Variants in HNF4A observed in about 807,000 individuals in gnomAD.
The protein encoded by HNF4A is hepatocyte nuclear factor 4 alpha.
HNF4A carries 15 observed loss-of-function variants against 52.4 expected under a neutral mutation model. The ratio of observed to expected loss-of-function variants is 0.29; its 90% CI spans 0.19 to 0.44. The LOEUF (loss-of-function observed/expected upper bound fraction) is 0.44, where lower values mean the gene tolerates loss of function less well. Among genes scored for constraint, HNF4A ranks in the 20% least tolerant of loss-of-function variants. The pLI is 1.00. For synonymous variants in HNF4A, 280 were observed against 264.4 expected, an observed-to-expected ratio of 1.06 and a Z score of -0.57; for missense variants, 479 against 647.2, an observed-to-expected ratio of 0.74 and a Z score of 2.82.
At chr20:44,375,066 AACTT>A (rs1313068072) in intron 1 of HNF4A, among the ~76,000 whole-genome samples, 2 of 152,164 alleles carry the variant, frequency 1.3e-5, no homozygotes, top group African/African-American at 4.8e-5. Flanking sequence ...CAAAAAAAGA[AACTT>A]AATAATCATT....
intron 1 of HNF4A, among the ~76,000 whole-genome samples, chr20:44,384,158 CCTTTTTTTTT>C (rs2063190700): frequency 9.6e-6 from 1 of 104,066 alleles, no homozygotes; most frequent in Non-Finnish European, 1.8e-5. Flanking sequence ...GCCCCTGGCT[CCTTTTTTTTT>C]TTTTTTTTTT....
chr20:44,366,689 G>A (rs2146184696), intron 1 of HNF4A, among the ~76,000 whole-genome samples: 1 of 152,294 alleles, frequency 6.6e-6, no homozygotes, highest in East Asian at 1.9e-4. Flanking sequence ...GGGGCCAATT[G>A]TAGGTAGTCC....
At chr20:44,420,184 TA>T (rs1175389969) in intron 7 of HNF4A, among the ~76,000 whole-genome samples, 2 of 151,800 alleles carry the variant, frequency 1.3e-5, no homozygotes, top group Non-Finnish European at 2.9e-5. Context: ...ATACAAAAAT[TA>T]GCCAGGCATG....
chr20:44,420,353 T>C (rs2063727686), intron 7 of HNF4A, among the ~76,000 whole-genome samples: 1 of 152,022 alleles, frequency 6.6e-6, no homozygotes, highest in Non-Finnish European at 1.5e-5. Context: ...GGATATGACT[T>C]GACAGGGCAC....
At chr20:44,407,215 A>C (rs1201759232) in intron 2 of HNF4A, among the ~76,000 whole-genome samples, 166 bp from the exon 3 acceptor site, 1 of 152,040 alleles carries the variant, frequency 6.6e-6, no homozygotes, top group Non-Finnish European at 1.5e-5. Flanking sequence ...GCTCTTAGAG[A>C]GTTCATAGCA....
intron 3 of HNF4A, among the ~76,000 whole-genome samples, chr20:44,411,405 G>T (rs955492131): frequency 6.6e-6 from 1 of 152,156 alleles, no homozygotes. Flanking sequence ...CACTGATAAC[G>T]CCCGCCTAAC....
chr20:44,365,628 A>C (rs2062962954), intron 1 of HNF4A, among the ~76,000 whole-genome samples: 1 of 152,210 alleles, frequency 6.6e-6, no homozygotes, highest in Non-Finnish European at 1.5e-5. Context: ...TAAAGTTTGA[A>C]ATTTTTCAAA....
rs2063410616 is a variant in HNF4A at position 44,401,603 on chromosome 20, T to A, written c.115+116T>A. 3.7e-6 allele frequency: 5 copies of A among 1,338,452 alleles called. No individual in the cohort carries two copies. In the Admixed American group the frequency reaches 5.9e-5, roughly 16 times the overall value. The allele number at this position is 1,338,452 out of a possible 1,614,324, so 82.9% of individuals were successfully genotyped here. Reference sequence around the variant, plus strand: ...GAGGAGAATGATACAAAATGGTAGGTTGGTCCTACAGGCCAGCACAGGTGT... The same window carrying A: ...GAGGAGAATGATACAAAATGGTAGGATGGTCCTACAGGCCAGCACAGGTGT... On this transcript the variant is annotated intron_variant, in intron 1 of 9. Transcript: ENST00000316099.
At chr20:44,426,660 AG>A (rs1302323541) in intron 8 of HNF4A, among the ~76,000 whole-genome samples, 1 of 152,106 alleles carries the variant, frequency 6.6e-6, no homozygotes, top group Non-Finnish European at 1.5e-5. Context: ...AAAAAAAATT[AG>A]CCAGACATGG....
At chr20:44,422,382 T>C (rs963709693) in intron 7 of HNF4A, among the ~76,000 whole-genome samples, 2 of 152,170 alleles carry the variant, frequency 1.3e-5, no homozygotes, top group African/African-American at 2.4e-5. Context: ...AGGCCTGGCA[T>C]GCAGGAGGTG....
intron 1 of HNF4A, among the ~76,000 whole-genome samples, chr20:44,368,160 A>ATATATATATATATATTTT (rs1200638153): frequency 1.1e-4 from 3 of 27,780 alleles, no homozygotes; most frequent in African/African-American, 2.9e-4. Flanking sequence ...ATATATATAT[A>ATATATATATATATATTTT]TTTTTTTTTT....
intron 3 of HNF4A, among the ~76,000 whole-genome samples, chr20:44,409,230 A>G (rs1415446505): frequency 1.3e-5 from 2 of 152,170 alleles, no homozygotes; most frequent in Non-Finnish European, 1.5e-5. Flanking sequence ...TTTAAGCTGC[A>G]AATACTCCCT....
At chr20:44,423,899 G>A (rs2063781226) in intron 7 of HNF4A, 119 bp from the exon 8 acceptor site, 2 of 887,106 alleles carry the variant, frequency 2.3e-6, no homozygotes, top group East Asian at 5.2e-5. Flanking sequence ...CTGAATCCTT[G>A]TGCCCACACT....
chr20:44,429,979 C>T lies in HNF4A; in HGVS notation c.*314C>T, dbSNP rs1277756818. 1.8e-5 allele frequency: 7 copies of T among 380,698 alleles called. No homozygotes were observed. The highest frequency in any genetic ancestry group is 4.1e-5 in the African/African-American group (2 of 48,572). 23.6% of individuals were successfully genotyped at this position (380,698 alleles called of 1,614,324 possible). A position where few individuals can be genotyped will look rare whatever the true frequency, so the allele number is the denominator to read the frequency against. On this transcript the variant is annotated 3_prime_UTR_variant, in exon 10 of 10. Coordinates refer to ENST00000316099, the MANE Select transcript of HNF4A (RefSeq NM_000457.6). ...CCCCGACTTCATCCCAAAGGACAGC[C>T]GCCTGGAGATGACTTGAGGCCTTAC...
In HNF4A at chr20:44,382,250, T is replaced by A. The variant is rs1050931340; in HGVS notation, c.50-23808T>A. On this transcript the variant is annotated intron_variant, in intron 1 of 9. Coordinates refer to the HNF4A transcript ENST00000316673. ...CTTTCTTTCTTTCTTTCTTTCTTTT[T>A]TTTTTTTGAGACGAACTCTCGCTCT... 1.1e-4 allele frequency among the ~76,000 whole-genome samples: 16 copies of A among 151,488 alleles called. 1 individual carries two copies. The highest frequency in any genetic ancestry group is 3.9e-4 in the African/African-American group (16 of 41,370).
At chr20:44,429,362 C>T (rs182031081) in intron 9 of HNF4A, among the ~76,000 whole-genome samples, 161 bp from the exon 10 acceptor site, 62 of 144,176 alleles carry the variant, frequency 4.3e-4, no homozygotes, top group African/African-American at 1.4e-3. Flanking sequence ...AATAAAAGAC[C>T]TTAGGGATTA....
At chr20:44,383,607 A>T (rs527253930) in intron 1 of HNF4A, among the ~76,000 whole-genome samples, 231 of 149,120 alleles carry the variant, frequency 1.5e-3, no homozygotes, top group African/African-American at 5.4e-3. Context: ...GCTGGAGTGC[A>T]GTGGTACAAT....
chr20:44,357,886 C>G (rs2062875391), intron 1 of HNF4A, among the ~76,000 whole-genome samples: 1 of 151,000 alleles, frequency 6.6e-6, no homozygotes, highest in Non-Finnish European at 1.5e-5. Flanking sequence ...TGACTCGAGA[C>G]TTGACACAAT....
chr20:44,406,364 T>C (rs890332298), intron 2 of HNF4A, 132 bp downstream of exon 2: 29 of 752,640 alleles, frequency 3.9e-5, no homozygotes, highest in Non-Finnish European at 6.3e-5. Flanking sequence ...CTTCTGGTTT[T>C]GTAAAAGACT....
Sources: allele counts gnomAD v4.1 joint callset (sites outside exome capture counted in the v4.1 genomes callset), GRCh38; gene constraint gnomAD v4.1.1; transcripts MANE v1.5; gene names NCBI Gene and HGNC (gene_info 2026-07-23, HGNC 2026-07-21).